UNC5C: variants seen among roughly 807,000 people sequenced by gnomAD.
The protein encoded by UNC5C is unc-5 netrin receptor C.
UNC5C carries 47 observed loss-of-function variants against 99.8 expected under a neutral mutation model. The ratio of observed to expected loss-of-function variants is 0.47; its 90% CI spans 0.37 to 0.60. UNC5C has a LOEUF of 0.60. UNC5C is among the 20% of genes least tolerant of loss of function. The pLI, the probability that UNC5C is intolerant of heterozygous loss-of-function variation, is 0.00. For missense variants in UNC5C, 1,062 were observed against 1,165.9 expected, an observed-to-expected ratio of 0.91 and a Z score of 1.30; for synonymous variants, 487 against 452.2, an observed-to-expected ratio of 1.08 and a Z score of -0.98.
At chr4:95,324,403 G>T (rs1479824102) in intron 2 of UNC5C, among the ~76,000 whole-genome samples, 1 of 151,994 alleles carries the variant, frequency 6.6e-6, no homozygotes, top group Non-Finnish European at 1.5e-5. Context: ...TCTACATTAT[G>T]GTGAGCTGTA....
intron 4 of UNC5C, among the ~76,000 whole-genome samples, chr4:95,274,587 A>C (rs368166845): frequency 1.3e-5 from 2 of 151,782 alleles, no homozygotes; most frequent in East Asian, 3.9e-4. Context: ...TCTGAGACTT[A>C]CTTTGTCACA....
At chr4:95,423,575 A>G (rs1176787262) in intron 1 of UNC5C, among the ~76,000 whole-genome samples, 2 of 152,202 alleles carry the variant, frequency 1.3e-5, no homozygotes, top group Non-Finnish European at 2.9e-5. Flanking sequence ...ATTCCAAATA[A>G]ATACATTTTG....
At chr4:95,323,289 C>T (rs1205859790) in intron 2 of UNC5C, among the ~76,000 whole-genome samples, 1 of 152,110 alleles carries the variant, frequency 6.6e-6, no homozygotes, top group Non-Finnish European at 1.5e-5. Context: ...GACACGACCC[C>T]GGATTTCATG....
At chr4:95,185,382 A>G (rs1048823343) in intron 12 of UNC5C, among the ~76,000 whole-genome samples, 186 bp from the exon 13 acceptor site, 1 of 152,184 alleles carries the variant, frequency 6.6e-6, no homozygotes, top group Non-Finnish European at 1.5e-5. Flanking sequence ...CCCATTTTGT[A>G]TGGGACCAGA....
At chr4:95,386,013 G>A (rs1441281460) in intron 1 of UNC5C, among the ~76,000 whole-genome samples, 3 of 152,102 alleles carry the variant, frequency 2.0e-5, no homozygotes, top group Non-Finnish European at 1.5e-5. Flanking sequence ...TCTCCTCAAA[G>A]TGTCTGTTAA....
At chr4:95,216,509 C>A (rs1171764357) in intron 9 of UNC5C, among the ~76,000 whole-genome samples, 4 of 151,338 alleles carry the variant, frequency 2.6e-5, no homozygotes, top group Non-Finnish European at 4.4e-5. Context: ...AACAACTGCT[C>A]AAAATTTCAA....
At chr4:95,458,217 T>C (rs781595320) in intron 1 of UNC5C, among the ~76,000 whole-genome samples, 5 of 152,088 alleles carry the variant, frequency 3.3e-5, no homozygotes, top group Non-Finnish European at 7.4e-5. Context: ...GAGCTCAGCA[T>C]TGGAAAGAGT....
chr4:95,255,814 C>A (rs376220379), intron 4 of UNC5C, among the ~76,000 whole-genome samples: 1 of 152,014 alleles, frequency 6.6e-6, no homozygotes, highest in African/African-American at 2.4e-5. Context: ...CTACTCACCC[C>A]CCGCCCACCA....
At chr4:95,313,980 C>T (rs1742374643) in intron 2 of UNC5C, among the ~76,000 whole-genome samples, 1 of 152,112 alleles carries the variant, frequency 6.6e-6, no homozygotes. Flanking sequence ...GTTTGTCTTG[C>T]TGCATTGTGA....
At chr4:95,415,309 C>A (rs2149453624) in intron 1 of UNC5C, among the ~76,000 whole-genome samples, 1 of 152,014 alleles carries the variant, frequency 6.6e-6, no homozygotes, top group South Asian at 2.1e-4. Flanking sequence ...TACAAGAGGG[C>A]AGTGATCCTC....
At chr4:95,424,203 C>A (rs1239543773) in intron 1 of UNC5C, among the ~76,000 whole-genome samples, 1 of 152,034 alleles carries the variant, frequency 6.6e-6, no homozygotes, top group Non-Finnish European at 1.5e-5. Flanking sequence ...ACTAAGATAA[C>A]ATGAAAATAA....
At chr4:95,290,157 C>G (rs1246967094) in intron 3 of UNC5C, among the ~76,000 whole-genome samples, 3 of 151,742 alleles carry the variant, frequency 2.0e-5, no homozygotes, top group African/African-American at 7.3e-5. Context: ...AATAGAAAAA[C>G]TAGCAGAGTA....
At chr4:95,393,856 T>TG (rs1304714588) in intron 1 of UNC5C, among the ~76,000 whole-genome samples, 4 of 146,108 alleles carry the variant, frequency 2.7e-5, no homozygotes, top group African/African-American at 1.1e-4. Context: ...TACTGTTTTT[T>TG]TTTTTTTAAA....
intron 1 of UNC5C, among the ~76,000 whole-genome samples, chr4:95,483,334 T>TA (rs1721226209): frequency 6.6e-6 from 1 of 151,848 alleles, no homozygotes; most frequent in African/African-American, 2.4e-5. Context: ...CAGCACTTTT[T>TA]ATGTTATCTT....
chr4:95,331,840 G>T (rs569637412), intron 2 of UNC5C, among the ~76,000 whole-genome samples: 2 of 151,946 alleles, frequency 1.3e-5, no homozygotes, highest in Non-Finnish European at 2.9e-5. Context: ...TGTTATAAGC[G>T]TTCGATATTA....
chr4:95,479,832 G>T (rs576858662), intron 1 of UNC5C, among the ~76,000 whole-genome samples: 83 of 152,026 alleles, frequency 5.5e-4, no homozygotes, highest in African/African-American at 1.9e-3. Flanking sequence ...CTGTAAGGGT[G>T]TTCTGGATGA....
At chr4:95,254,591 T>C (rs187170267) in intron 4 of UNC5C, among the ~76,000 whole-genome samples, 104 of 152,290 alleles carry the variant, frequency 6.8e-4, no homozygotes, top group Non-Finnish European at 8.8e-5. Context: ...GGGAGCTTGA[T>C]AGACATATAG....
At chr4:95,265,090 C>T (rs2149388283) in intron 4 of UNC5C, among the ~76,000 whole-genome samples, 1 of 152,192 alleles carries the variant, frequency 6.6e-6, no homozygotes, top group Non-Finnish European at 1.5e-5. Context: ...ACAAAGGGCC[C>T]AAGAATCAGT....
rs553815261 is a variant in UNC5C, at chr4:95,164,905, C to T, written c.*4329G>A. ...ACCTTCTTTATGCTCTCTTGCAAGTCCTTATATAGGTTTATATTTTCCTGG... is the reference window on the plus strand; with the variant it reads ...ACCTTCTTTATGCTCTCTTGCAAGTTCTTATATAGGTTTATATTTTCCTGG... On this transcript the variant is annotated 3_prime_UTR_variant, in exon 16 of 16. Coordinates refer to ENST00000453304, the MANE Select transcript of UNC5C (RefSeq NM_003728.4). 4 of 152,326 alleles carry T rather than the reference C, an allele frequency of 2.6e-5. No homozygotes were observed. Among genetic ancestry groups the T allele is most frequent in the Non-Finnish European group, 5.9e-5 (4 of 68,048 alleles). 9.4% of individuals were successfully genotyped at this position (152,326 alleles called of 1,614,324 possible).
Sources: gnomAD v4.1 joint callset for allele counts (sites outside exome capture counted in the v4.1 genomes callset) on GRCh38, gnomAD v4.1.1 for gene constraint, MANE v1.5 for transcripts, NCBI Gene and HGNC (gene_info 2026-07-23, HGNC 2026-07-21) for gene names.